The following LARGE1 variants were observed in gnomAD, a reference collection of about 807,000 sequenced individuals.
The protein encoded by LARGE1 is LARGE xylosyl- and glucuronyltransferase 1, also known as xylosyl- and glucuronyltransferase LARGE1.
A neutral mutation model predicts 87.6 loss-of-function variants in LARGE1; 43 were observed. The observed-to-expected ratio is 0.49, with a 90% confidence interval of 0.38 to 0.63. The LOEUF (loss-of-function observed/expected upper bound fraction) is 0.63, where lower values mean the gene tolerates loss of function less well. Ranked by LOEUF, LARGE1 falls within the 30% of genes least tolerant of loss-of-function variation. The probability of loss-of-function intolerance (pLI) is 0.00; values close to 1 mark genes in which losing one functional copy is unlikely to be tolerated. For missense variants in LARGE1, 802 were observed against 1,000.2 expected (o/e 0.80, Z 2.67); for synonymous variants, 434 against 394.6 (o/e 1.10, Z -1.18).
rs2283923 is a variant in LARGE1, at chr22:33,614,560, T to G, written c.492-10002A>C. On this transcript the variant is annotated intron_variant, in intron 4 of 14. Coordinates refer to ENST00000397394, the MANE Select transcript of LARGE1 (RefSeq NM_133642.5). ...ATCTTCACACCCCTTCCTTAAACCC[T>G]GCACTCCAGCCATTTCTCCCTCAGT... 2.4e-3 allele frequency among the ~76,000 whole-genome samples: 372 copies of G among 152,192 alleles called. 10 individuals carry two copies. The East Asian group carries it at 0.055, about 23-fold the overall frequency.
At chr22:33,917,895 A>C (rs2065832440) in intron 1 of LARGE1, among the ~76,000 whole-genome samples, 1 of 152,048 alleles carries the variant, frequency 6.6e-6, no homozygotes, top group South Asian at 2.1e-4. Flanking sequence ...AACATAAACC[A>C]CAGGCTCATG....
chr22:33,858,198 G>A (rs1325979484), intron 1 of LARGE1, among the ~76,000 whole-genome samples: 1 of 152,220 alleles, frequency 6.6e-6, no homozygotes, highest in Admixed American at 6.5e-5. Flanking sequence ...GCCCGATCGG[G>A]AGCGGCAATG....
At chr22:33,119,830 T>C in the LARGE1 span, among the ~76,000 whole-genome samples, 158 of 152,310 alleles carry the variant, frequency 1.0e-3, 6 homozygotes, top group South Asian at 0.032. Flanking sequence ...CAGTGACCTG[T>C]AATGCTGGTA....
chr22:33,155,541 A>G, the LARGE1 span, among the ~76,000 whole-genome samples: 6 of 152,196 alleles, frequency 3.9e-5, no homozygotes, highest in African/African-American at 1.2e-4. Context: ...CTGGTGGAAG[A>G]AATTTCTAAG....
intron 13 of LARGE1, among the ~76,000 whole-genome samples, chr22:33,278,391 C>A (rs1929743846): frequency 1.3e-5 from 2 of 152,130 alleles, no homozygotes. Flanking sequence ...AATCTCTGAT[C>A]CCTAGAGACT....
chr22:33,785,184 T>TATACATATATGTGTATAC (rs2085589405), intron 1 of LARGE1, among the ~76,000 whole-genome samples: 1 of 150,414 alleles, frequency 6.6e-6, no homozygotes, highest in Admixed American at 6.6e-5. Context: ...CATATGTGTA[T>TATACATATATGTGTATAC]ATACATATAT....
At chr22:33,799,487 C>T (rs753836069) in intron 1 of LARGE1, among the ~76,000 whole-genome samples, 5 of 152,024 alleles carry the variant, frequency 3.3e-5, no homozygotes, top group Non-Finnish European at 7.4e-5. Flanking sequence ...GTTGCACAGG[C>T]TGGAGGGCAG....
Position 33,381,934 on chromosome 22 carries a change from G to A in LARGE1, c.1116C>T (p.Asp372=), listed in dbSNP as rs398124182. 19 of 1,613,934 alleles carry A rather than the reference G, an allele frequency of 1.2e-5. No individual in the cohort carries two copies. The highest frequency in any genetic ancestry group is 1.0e-4 in the Admixed American group (6 of 60,000). Residue 372 remains aspartate (D), a synonymous_variant, in exon 9 of 15, where the codon GAC becomes GAT. Coordinates refer to ENST00000397394, the MANE Select transcript of LARGE1 (RefSeq NM_133642.5). ...TTGACCCTACCTTTAGATCAGACAC[G>A]TCTCTGTAGCACTGCTCGGAGCGGG... is the stretch of plus-strand genomic sequence containing the variant. ...DHTRSEQCYR[D]VSDLKVIHWN...
intron 11 of LARGE1, among the ~76,000 whole-genome samples, chr22:33,247,841 A>G (rs114448121): frequency 6.6e-6 from 1 of 152,336 alleles, no homozygotes; most frequent in African/African-American, 2.4e-5. Context: ...GCCTTGCCTG[A>G]AACAGATGCC....
intron 7 of LARGE1, among the ~76,000 whole-genome samples, chr22:33,388,657 C>A (rs1209190074): frequency 1.3e-5 from 2 of 152,142 alleles, no homozygotes; most frequent in Non-Finnish European, 2.9e-5. Context: ...CCTCTGCCTC[C>A]CAGGTTCAAG....
chr22:33,149,037 TTTC>T, the LARGE1 span, among the ~76,000 whole-genome samples: 1 of 150,590 alleles, frequency 6.6e-6, no homozygotes, highest in African/African-American at 2.4e-5. Flanking sequence ...GTTTTCTTTT[TTTC>T]TTTTTTTTTT....
intron 5 of LARGE1, among the ~76,000 whole-genome samples, chr22:33,590,335 A>G (rs923636923): frequency 3.3e-5 from 5 of 152,226 alleles, no homozygotes; most frequent in African/African-American, 1.2e-4. Context: ...CCAGTAATGG[A>G]AGAGTTTAAA....
At chr22:33,464,377 G>A (rs2068503065) in intron 6 of LARGE1, among the ~76,000 whole-genome samples, 1 of 152,126 alleles carries the variant, frequency 6.6e-6, no homozygotes, top group Non-Finnish European at 1.5e-5. Flanking sequence ...AAAAATGACT[G>A]ATAAATTCAA....
chr22:33,663,310 C>T (rs995803776), intron 2 of LARGE1, among the ~76,000 whole-genome samples: 3 of 152,194 alleles, frequency 2.0e-5, no homozygotes, highest in Non-Finnish European at 4.4e-5. Context: ...CCCGCCATCT[C>T]TACTTTTGAC....
At chr22:33,596,276 A>G (rs747603002) in intron 5 of LARGE1, among the ~76,000 whole-genome samples, 2 of 152,230 alleles carry the variant, frequency 1.3e-5, no homozygotes, top group Non-Finnish European at 2.9e-5. Context: ...AAAATTTTCT[A>G]TGTCCAACAT....
chr22:33,659,777 C>G (rs1603026646), intron 2 of LARGE1, among the ~76,000 whole-genome samples: 1 of 148,188 alleles, frequency 6.7e-6, no homozygotes, highest in Non-Finnish European at 1.5e-5. Context: ...GAGTTCCTCA[C>G]TAGCTTCTAA....
chr22:33,170,667 T>C (rs1922519418), intron 11 of LARGE1, among the ~76,000 whole-genome samples: 2 of 152,196 alleles, frequency 1.3e-5, no homozygotes, highest in African/African-American at 4.8e-5. Context: ...GCCATGAGTG[T>C]GAGTTTCCTG....
At chr22:33,296,569 CTT>C (rs66851772) in intron 12 of LARGE1, among the ~76,000 whole-genome samples, 9 of 133,878 alleles carry the variant, frequency 6.7e-5, no homozygotes, top group Admixed American at 7.6e-5. Flanking sequence ...TTTTTCTTTT[CTT>C]TTTTTTTTTT....
intron 1 of LARGE1, among the ~76,000 whole-genome samples, chr22:33,763,838 C>CTTTTT (rs71187279): frequency 1.3e-4 from 9 of 71,190 alleles, no homozygotes; most frequent in Admixed American, 3.5e-4. Context: ...AATTAGTTTG[C>CTTTTT]TTTTTTTTTT....
Sources: gnomAD v4.1 joint callset for allele counts (sites outside exome capture counted in the v4.1 genomes callset) on GRCh38, gnomAD v4.1.1 for gene constraint, MANE v1.5 for transcripts, NCBI Gene and HGNC (gene_info 2026-07-23, HGNC 2026-07-21) for gene names.